SLC14A2: variants seen among roughly 807,000 people sequenced by gnomAD.
SLC14A2 encodes the protein solute carrier family 14 member 2, also known as urea transporter 2.
Under a neutral mutation model 104.6 loss-of-function variants are expected in SLC14A2, and 91 were observed. The ratio of observed to expected loss-of-function variants is 0.87; its 90% CI spans 0.73 to 1.04. The LOEUF is 1.04. SLC14A2 is among the 50% of genes least tolerant of loss of function. SLC14A2 has a pLI of 0.00. For synonymous variants in SLC14A2, 476 were observed against 466.4 expected (o/e 1.02, Z -0.27); for missense variants, 1,189 against 1,156.0 (o/e 1.03, Z -0.41).
intron 1 of SLC14A2, among the ~76,000 whole-genome samples, chr18:45,356,893 C>T (rs2085559788): frequency 6.6e-6 from 1 of 152,164 alleles, no homozygotes; most frequent in Non-Finnish European, 1.5e-5. Flanking sequence ...AAGCCATCAG[C>T]CCTGCAGAAT....
intron 1 of SLC14A2, among the ~76,000 whole-genome samples, chr18:45,270,846 T>C (rs2144119539): frequency 6.6e-6 from 1 of 152,272 alleles, no homozygotes; most frequent in South Asian, 2.1e-4. Context: ...GGACTCTAGC[T>C]CAGCCTAAGT....
intron 2 of SLC14A2, among the ~76,000 whole-genome samples, chr18:45,536,526 C>T (rs745950638): frequency 6.6e-6 from 1 of 152,154 alleles, no homozygotes; most frequent in Non-Finnish European, 1.5e-5. Flanking sequence ...CTTCACATGG[C>T]CTTCTCTGTG....
intron 2 of SLC14A2, among the ~76,000 whole-genome samples, chr18:45,596,780 C>T (rs1301078118): frequency 6.6e-6 from 1 of 152,224 alleles, no homozygotes; most frequent in Non-Finnish European, 1.5e-5. Context: ...CTTAATACAG[C>T]TACAAAGTAC....
chr18:45,299,768 T>C (rs573456832), intron 1 of SLC14A2, among the ~76,000 whole-genome samples: 64 of 152,290 alleles, frequency 4.2e-4, no homozygotes, highest in African/African-American at 1.5e-3. Context: ...GGCACATCCG[T>C]CTTACTTTAA....
intron 6 of SLC14A2, 72 bp downstream of exon 6, chr18:45,637,254 G>A: frequency 8.1e-7 from 1 of 1,241,314 alleles, no homozygotes; most frequent in South Asian, 1.4e-5. Context: ...CCAATTTGTG[G>A]ACTATCCATG....
intron 1 of SLC14A2, among the ~76,000 whole-genome samples, chr18:45,299,575 C>G (rs1009203819): frequency 6.6e-6 from 1 of 152,204 alleles, no homozygotes; most frequent in African/African-American, 2.4e-5. Context: ...GATTCTCCTG[C>G]CTCAGTCTCC....
chr18:45,449,260 T>C (rs1203726237), intron 1 of SLC14A2, among the ~76,000 whole-genome samples: 2 of 152,214 alleles, frequency 1.3e-5, no homozygotes, highest in African/African-American at 2.4e-5. Context: ...AAAGAGCATA[T>C]AGATTGAGAC....
intron 1 of SLC14A2, among the ~76,000 whole-genome samples, chr18:45,244,150 C>A (rs1262902430): frequency 1.3e-5 from 2 of 152,166 alleles, no homozygotes; most frequent in Admixed American, 1.3e-4. Context: ...GGGCAGCCCA[C>A]CAATCTAGCC....
intron 1 of SLC14A2, among the ~76,000 whole-genome samples, chr18:45,234,644 G>A (rs1258362725): frequency 6.6e-6 from 1 of 152,024 alleles, no homozygotes; most frequent in African/African-American, 2.4e-5. Flanking sequence ...CATTCTTTTG[G>A]CTTCCCTTCT....
intron 1 of SLC14A2, among the ~76,000 whole-genome samples, chr18:45,258,326 A>C (rs1019048176): frequency 1.4e-5 from 2 of 142,596 alleles, no homozygotes; most frequent in African/African-American, 5.5e-5. Context: ...ACAGATGCCC[A>C]GAAGTGCCCG....
chr18:45,568,737 T>C (rs550034376), intron 2 of SLC14A2, among the ~76,000 whole-genome samples: 1 of 152,298 alleles, frequency 6.6e-6, no homozygotes, highest in South Asian at 2.1e-4. Context: ...CACCTACCTA[T>C]GTATTATAGT....
intron 2 of SLC14A2, among the ~76,000 whole-genome samples, chr18:45,570,823 G>C (rs1054334075): frequency 6.6e-6 from 1 of 152,314 alleles, no homozygotes. Flanking sequence ...AACAAACTCA[G>C]ATAAATCATG....
the SLC14A2 span, among the ~76,000 whole-genome samples, chr18:45,202,510 T>C: frequency 0.019 from 2,857 of 149,952 alleles, 107 homozygotes; most frequent in African/African-American, 0.068. Flanking sequence ...AAACATAACA[T>C]TGGGGAGTAA....
At chr18:45,496,526 T>A (rs1488504106) in intron 2 of SLC14A2, among the ~76,000 whole-genome samples, 1 of 152,162 alleles carries the variant, frequency 6.6e-6, no homozygotes, top group African/African-American at 2.4e-5. Context: ...ATCCCAACAC[T>A]TTAGGAAGCT....
At chr18:45,386,337 C>T (rs1335245285) in intron 1 of SLC14A2, among the ~76,000 whole-genome samples, 3 of 152,198 alleles carry the variant, frequency 2.0e-5, no homozygotes, top group Non-Finnish European at 4.4e-5. Flanking sequence ...AGTACAAGAA[C>T]TCAGTTTTTG....
intron 1 of SLC14A2, among the ~76,000 whole-genome samples, chr18:45,619,712 G>A (rs1232138165): frequency 1.3e-5 from 2 of 152,098 alleles, no homozygotes; most frequent in Admixed American, 6.5e-5. Flanking sequence ...GACGTGGCTC[G>A]GGCAGGGATT....
intron 1 of SLC14A2, among the ~76,000 whole-genome samples, chr18:45,395,242 G>A (rs745675071): frequency 1.1e-4 from 16 of 152,194 alleles, no homozygotes; most frequent in African/African-American, 3.9e-4. Flanking sequence ...TAATATGGAT[G>A]AGCTTTATAG....
intron 1 of SLC14A2, among the ~76,000 whole-genome samples, chr18:45,273,677 T>TA (rs1285163933): frequency 6.6e-6 from 1 of 152,104 alleles, no homozygotes; most frequent in African/African-American, 2.4e-5. Flanking sequence ...ATAGTCTTTT[T>TA]AAAAAAGCAT....
At chr18:45,502,140 A>G (rs528085022) in intron 2 of SLC14A2, among the ~76,000 whole-genome samples, 14 of 152,200 alleles carry the variant, frequency 9.2e-5, no homozygotes, top group Admixed American at 5.9e-4. Context: ...AGATGCTGGA[A>G]GACTTGTGAA....
Sources: allele counts gnomAD v4.1 joint callset (sites outside exome capture counted in the v4.1 genomes callset), GRCh38; gene constraint gnomAD v4.1.1; transcripts MANE v1.5; gene names NCBI Gene and HGNC (gene_info 2026-07-23, HGNC 2026-07-21).